SLC25A26: variants seen among roughly 807,000 people sequenced by gnomAD.
SLC25A26 encodes the protein solute carrier family 25 member 26, also known as mitochondrial S-adenosylmethionine carrier protein.
Under a neutral mutation model 37.8 loss-of-function variants are expected in SLC25A26, and 36 were observed. That is an observed-to-expected ratio of 0.95 (90% confidence interval 0.73 to 1.26). The LOEUF is 1.26. Among genes scored for constraint, SLC25A26 ranks in the 50% most tolerant of loss-of-function variants. SLC25A26 has a pLI of 0.00. For missense variants in SLC25A26, 390 were observed against 331.1 expected, an observed-to-expected ratio of 1.18 and a Z score of -1.38; for synonymous variants, 129 against 122.5, an observed-to-expected ratio of 1.05 and a Z score of -0.35.
At chr3:66,187,725 C>A (rs919326253) in intron 1 of SLC25A26, among the ~76,000 whole-genome samples, 4 of 149,400 alleles carry the variant, frequency 2.7e-5, no homozygotes, top group Non-Finnish European at 5.9e-5. Flanking sequence ...CACACACACC[C>A]ACACCCTGAC....
At chr3:66,192,907 A>G (rs2070973101) in intron 1 of SLC25A26, among the ~76,000 whole-genome samples, 1 of 152,142 alleles carries the variant, frequency 6.6e-6, no homozygotes, top group African/African-American at 2.4e-5. Flanking sequence ...AAAATTACCT[A>G]GGCAGTTTTT....
intron 1 of SLC25A26, among the ~76,000 whole-genome samples, chr3:66,138,760 C>A (rs767783029): frequency 6.6e-6 from 1 of 151,992 alleles, no homozygotes; most frequent in Non-Finnish European, 1.5e-5. Context: ...ATTGGGAGGT[C>A]CTGGATACGG....
intron 6 of SLC25A26, chr3:66,356,226 C>A (rs1266700849): frequency 4.5e-5 from 17 of 375,810 alleles, no homozygotes; most frequent in Non-Finnish European, 8.8e-5. Context: ...GACACTTGGT[C>A]TGGGGTTGGA....
chr3:66,240,814 T>C (rs144143300), intron 2 of SLC25A26, among the ~76,000 whole-genome samples: 63,818 of 147,578 alleles, frequency 0.43, 16,118 homozygotes, highest in African/African-American at 0.69. Context: ...GGTGCGATCT[T>C]GGCTCACTGC....
rs2107890572 is a variant in SLC25A26 at position 66,377,719 on chromosome 3, C to A, written c.737C>A (p.Ala246Glu). The change falls in exon 10 of 10, where the codon GCA becomes GAA. Residue 246 changes from alanine to glutamate, a missense_variant. Coordinates refer to ENST00000354883, the MANE Select transcript of SLC25A26 (RefSeq NM_001379210.1). Reference protein sequence around the residue: ...GLFAGVFPRMAAISLGGFIFL... With the variant: ...GLFAGVFPRMEAISLGGFIFL... ...TTTGCAGGTGTCTTCCCTCGAATGG[C>A]AGCCATCAGTCTGGGAGGTTTCATC... is the stretch of plus-strand genomic sequence containing the variant. 6.2e-7 allele frequency: 1 copy of A among 1,613,818 alleles called. No homozygotes were observed.
chr3:66,255,614 C>T (rs938522765), intron 3 of SLC25A26, among the ~76,000 whole-genome samples: 11 of 151,836 alleles, frequency 7.2e-5, no homozygotes, highest in African/African-American at 2.7e-4. Context: ...TGGATTCATA[C>T]TGAACCTCAG....
intron 5 of SLC25A26, among the ~76,000 whole-genome samples, chr3:66,342,250 G>GT (rs2076225940): frequency 6.6e-6 from 1 of 152,054 alleles, no homozygotes; most frequent in South Asian, 2.1e-4. Flanking sequence ...CGGTTTCTGT[G>GT]TTTTTTAAAC....
At chr3:66,160,130 G>A (rs2070337119) in intron 1 of SLC25A26, among the ~76,000 whole-genome samples, 1 of 151,992 alleles carries the variant, frequency 6.6e-6, no homozygotes, top group Non-Finnish European at 1.5e-5. Flanking sequence ...AGCCTCCCAA[G>A]TAGCTGGGAT....
chr3:66,346,718 G>A (rs1456265484), intron 6 of SLC25A26, among the ~76,000 whole-genome samples: 2 of 29,012 alleles, frequency 6.9e-5, no homozygotes, highest in Admixed American at 2.6e-4. Context: ...CTGTGTGCGT[G>A]TGTGTGTGTG....
intron 5 of SLC25A26, among the ~76,000 whole-genome samples, chr3:66,268,805 G>A (rs1175246176): frequency 6.6e-6 from 1 of 152,186 alleles, no homozygotes; most frequent in African/African-American, 2.4e-5. Context: ...GAGACTGAGA[G>A]AGTTCTCACA....
chr3:66,186,764 C>T (rs1024481162), intron 1 of SLC25A26, among the ~76,000 whole-genome samples: 2 of 151,668 alleles, frequency 1.3e-5, no homozygotes, highest in Non-Finnish European at 2.9e-5. Flanking sequence ...CTGACCTTCA[C>T]ACTGAACTGA....
intron 5 of SLC25A26, 112 bp from the exon 6 acceptor site, chr3:66,346,252 T>G (rs182268802): frequency 1.1e-3 from 574 of 537,102 alleles, no homozygotes; most frequent in Non-Finnish European, 9.0e-4. Flanking sequence ...TGAATTTGTT[T>G]GATATTAGCT....
intron 5 of SLC25A26, among the ~76,000 whole-genome samples, chr3:66,342,186 A>G (rs894216516): frequency 1.3e-5 from 2 of 152,200 alleles, no homozygotes; most frequent in African/African-American, 4.8e-5. Flanking sequence ...CCACTCTGCT[A>G]TACATGGCAG....
intron 1 of SLC25A26, among the ~76,000 whole-genome samples, chr3:66,207,323 C>A (rs1359071178): frequency 6.6e-6 from 1 of 152,120 alleles, no homozygotes; most frequent in Non-Finnish European, 1.5e-5. Flanking sequence ...GGGTCTTCCA[C>A]TCTTGGTGCA....
rs994874234 is a variant in SLC25A26 at position 66,377,859 on chromosome 3, A to C, written c.*52A>C. The C allele has an allele frequency of 1.1e-5, 15 of 1,329,928 alleles. No homozygotes were observed. The highest frequency in any genetic ancestry group is 1.5e-5 in the African/African-American group (1 of 68,874). The allele number at this position is 1,329,928 out of a possible 1,614,324, so 82.4% of individuals were successfully genotyped here. A position where few individuals can be genotyped will look rare whatever the true frequency, so the allele number is the denominator to read the frequency against. On this transcript the variant is annotated 3_prime_UTR_variant, in exon 10 of 10. Coordinates refer to ENST00000354883, the MANE Select transcript of SLC25A26 (RefSeq NM_001379210.1). The stretch of plus-strand genomic sequence containing the variant: ...CTGTCAAGAGAGGGGCCTGCAGTGC[A>C]AACCCTCTTCCGCTGAGCAGCTGTC...
At chr3:66,275,052 C>T (rs1345070142) in intron 5 of SLC25A26, among the ~76,000 whole-genome samples, 1 of 151,920 alleles carries the variant, frequency 6.6e-6, no homozygotes, top group African/African-American at 2.4e-5. Context: ...ACATATACAC[C>T]ATGGAATACT....
intron 5 of SLC25A26, among the ~76,000 whole-genome samples, chr3:66,300,568 TTTTTTG>T (rs2075048158): frequency 6.6e-6 from 1 of 152,182 alleles, no homozygotes; most frequent in African/African-American, 2.4e-5. Flanking sequence ...CTGATGCTCG[TTTTTTG>T]TTTTTAAGAT....
chr3:66,252,838 G>A (rs1378843078), intron 3 of SLC25A26, among the ~76,000 whole-genome samples: 1 of 152,146 alleles, frequency 6.6e-6, no homozygotes, highest in Non-Finnish European at 1.5e-5. Flanking sequence ...TGTAGAATAA[G>A]TAATTAGATA....
At chr3:66,177,646 G>A (rs1469055459) in intron 1 of SLC25A26, among the ~76,000 whole-genome samples, 1 of 152,222 alleles carries the variant, frequency 6.6e-6, no homozygotes, top group Non-Finnish European at 1.5e-5. Context: ...CCCAGGGGAT[G>A]GGAAGGAGTG....
Sources: gnomAD v4.1 joint callset for allele counts (sites outside exome capture counted in the v4.1 genomes callset) on GRCh38, gnomAD v4.1.1 for gene constraint, MANE v1.5 for transcripts, NCBI Gene and HGNC (gene_info 2026-07-23, HGNC 2026-07-21) for gene names.